SOCS2: variants seen among roughly 807,000 people sequenced by gnomAD.
The protein encoded by SOCS2 is CIS-2.
In SOCS2, 10 loss-of-function variants were observed where a neutral mutation model predicts 18.6. That is an observed-to-expected ratio of 0.54 (90% CI 0.33 to 0.91). The LOEUF (loss-of-function observed/expected upper bound fraction) is 0.91. SOCS2 is among the 40% of genes least tolerant of loss of function. The pLI, the probability that SOCS2 is intolerant of heterozygous loss-of-function variation, is 0.02. For synonymous variants in SOCS2, 104 were observed against 104.0 expected (o/e 1.00, Z 0.00); for missense variants, 231 against 247.2 (o/e 0.93, Z 0.44).
chr12:93,603,375 G>A, the SOCS2 span, among the ~76,000 whole-genome samples: 2 of 152,148 alleles, frequency 1.3e-5, no homozygotes, highest in Non-Finnish European at 2.9e-5. Flanking sequence ...GACTCAAAAA[G>A]GTTAGGCCCT....
chr12:93,585,805 G>T (rs1954581406), downstream of SOCS2, among the ~76,000 whole-genome samples: 1 of 151,964 alleles, frequency 6.6e-6, no homozygotes, highest in African/African-American at 2.4e-5. Context: ...TTGATCCCAG[G>T]ACTCCCGCCC....
the SOCS2 span, among the ~76,000 whole-genome samples, chr12:93,596,228 T>C: frequency 1.3e-5 from 2 of 152,226 alleles, no homozygotes; most frequent in African/African-American, 4.8e-5. Context: ...TTACATACAT[T>C]ATTTGATTTA....
chr12:93,579,827 G>A (rs1450322422), downstream of SOCS2, among the ~76,000 whole-genome samples: 3 of 152,150 alleles, frequency 2.0e-5, no homozygotes, highest in Admixed American at 6.5e-5. Context: ...TGTCAGCAAA[G>A]GAGGCTGGAT....
chr12:93,571,279 A>G (rs1418836769), upstream of SOCS2: 3 of 152,218 alleles, frequency 2.0e-5, no homozygotes, highest in African/African-American at 4.8e-5. Flanking sequence ...GAGGGCGGCG[A>G]GGCGCGGCCG....
At chr12:93,611,649 T>A in the SOCS2 span, among the ~76,000 whole-genome samples, 1 of 152,218 alleles carries the variant, frequency 6.6e-6, no homozygotes, top group Non-Finnish European at 1.5e-5. Context: ...AAATTCTCTT[T>A]CATTACACTG....
the SOCS2 span, among the ~76,000 whole-genome samples, chr12:93,625,389 T>G: frequency 1.3e-5 from 2 of 152,248 alleles, no homozygotes; most frequent in Non-Finnish European, 2.9e-5. Context: ...AGTTACTTAG[T>G]CTTTAACCAA....
chr12:93,589,034 CAT>C, the SOCS2 span, among the ~76,000 whole-genome samples: 3 of 152,232 alleles, frequency 2.0e-5, no homozygotes, highest in Non-Finnish European at 4.4e-5. Flanking sequence ...ATGCTTGCCA[CAT>C]GTGTTCCTTT....
chr12:93,607,160 T>C, the SOCS2 span, among the ~76,000 whole-genome samples: 43 of 152,236 alleles, frequency 2.8e-4, no homozygotes, highest in African/African-American at 9.9e-4. Flanking sequence ...TGTGTTCTTT[T>C]TCTATAACAT....
At chr12:93,578,953 G>A (rs893610467), downstream of SOCS2, among the ~76,000 whole-genome samples, 1 of 152,128 alleles carries the variant, frequency 6.6e-6, no homozygotes, top group African/African-American at 2.4e-5. Context: ...TCCTCTACCC[G>A]ATTCTGAAAA....
At chr12:93,602,032 T>C in the SOCS2 span, among the ~76,000 whole-genome samples, 1 of 152,156 alleles carries the variant, frequency 6.6e-6, no homozygotes, top group East Asian at 1.9e-4. Context: ...TCTAGACATA[T>C]TACAGATTGC....
Position 93,575,254 on chromosome 12 carries a change from G to A in SOCS2, c.*75G>A, listed in dbSNP as rs1300831719. The A allele has an allele frequency of 1.0e-6, 1 of 1,001,180 alleles. No homozygotes were observed. The highest frequency in any genetic ancestry group is 1.6e-5 in the African/African-American group (1 of 61,042). 62.0% of individuals were successfully genotyped at this position (1,001,180 alleles called of 1,614,324 possible). On this transcript the variant is annotated 3_prime_UTR_variant, in exon 2 of 2. Transcript: ENST00000551556. ...GCTATGTAAAAGAGAACCAAAACTTGAGTGCTCTGGATAACTATATGGAAT... is the reference window on the plus strand; with the variant it reads ...GCTATGTAAAAGAGAACCAAAACTTAAGTGCTCTGGATAACTATATGGAAT...
chr12:93,581,184 T>C (rs1954534526), downstream of SOCS2, among the ~76,000 whole-genome samples: 1 of 152,166 alleles, frequency 6.6e-6, no homozygotes, highest in Non-Finnish European at 1.5e-5. Flanking sequence ...CATAAATTAT[T>C]GATAGATTGA....
the SOCS2 span, among the ~76,000 whole-genome samples, chr12:93,614,611 CTTTCTTTCTTTCT>C: frequency 3.9e-5 from 4 of 103,266 alleles, no homozygotes; most frequent in Non-Finnish European, 7.6e-5. Flanking sequence ...TTCTTTCTTT[CTTTCTTTCTTTCT>C]TTCTTTCTTT....
upstream of SOCS2, chr12:93,572,548 T>C: frequency 2.1e-6 from 1 of 469,184 alleles, no homozygotes; most frequent in Non-Finnish European, 4.0e-6. This position sits in a 1 kb window ranked among gnomAD's most constrained non-coding sequence, Gnocchi z 5.0. Flanking sequence ...GGGCGCTAAC[T>C]GGAAGCTTGG....
the SOCS2 span, among the ~76,000 whole-genome samples, chr12:93,617,929 A>T: frequency 6.6e-6 from 1 of 152,084 alleles, no homozygotes; most frequent in Non-Finnish European, 1.5e-5. Context: ...TATGGTCTGG[A>T]TCTGTGTCCC....
At chr12:93,618,815 G>T in the SOCS2 span, among the ~76,000 whole-genome samples, 2 of 152,200 alleles carry the variant, frequency 1.3e-5, no homozygotes, top group Admixed American at 1.3e-4. Flanking sequence ...CCCCATAAGG[G>T]CAAGGATGTT....
chr12:93,600,715 G>GT, the SOCS2 span, among the ~76,000 whole-genome samples: 4,505 of 136,182 alleles, frequency 0.033, 155 homozygotes, highest in African/African-American at 0.093. Flanking sequence ...GTTACGTAAA[G>GT]TTTTTTTTTT....
chr12:93,589,196 A>G, the SOCS2 span, among the ~76,000 whole-genome samples: 1 of 152,242 alleles, frequency 6.6e-6, no homozygotes, highest in East Asian at 1.9e-4. Context: ...GATTCTGGGC[A>G]GGCAGTGCCT....
intron 1 of SOCS2, 170 bp from the exon 2 acceptor site, chr12:93,574,552 C>A: frequency 2.2e-6 from 1 of 454,780 alleles, no homozygotes; most frequent in Non-Finnish European, 3.8e-6. Flanking sequence ...TTATTAAATT[C>A]CTACTGAAAG....
Sources: allele counts gnomAD v4.1 joint callset (sites outside exome capture counted in the v4.1 genomes callset), GRCh38; gene constraint gnomAD v4.1.1; non-coding constraint Gnocchi (gnomAD v3.1); transcripts MANE v1.5; gene names NCBI Gene and HGNC (gene_info 2026-07-23, HGNC 2026-07-21).